Variants in PDE4D observed in about 807,000 individuals in gnomAD.
The protein encoded by PDE4D is 3',5'-cyclic-AMP phosphodiesterase 4D.
Under a neutral mutation model 87.4 loss-of-function variants are expected in PDE4D, and 24 were observed. That is an observed-to-expected ratio of 0.27 (90% CI 0.20 to 0.39). PDE4D has a LOEUF of 0.39. Ranked by LOEUF, PDE4D falls within the 10% of genes least tolerant of loss-of-function variation. The pLI is 1.00. For missense variants in PDE4D, 714 were observed against 1,041.0 expected, an observed-to-expected ratio of 0.69 and a Z score of 4.32; for synonymous variants, 384 against 383.2, an observed-to-expected ratio of 1.00 and a Z score of -0.02.
intron 1 of PDE4D, among the ~76,000 whole-genome samples, chr5:59,698,814 T>C (rs1418824373): frequency 6.6e-6 from 1 of 152,152 alleles, no homozygotes. Flanking sequence ...CTACCTTCAT[T>C]AGCACAGACT....
chr5:59,313,763 T>G (rs962614641), intron 1 of PDE4D, among the ~76,000 whole-genome samples: 12 of 152,156 alleles, frequency 7.9e-5, no homozygotes, highest in Non-Finnish European at 2.9e-5. Flanking sequence ...CCAACTTGTG[T>G]ACCCACCCAG....
At chr5:60,105,387 T>A (rs1243455842) in intron 2 of PDE4D, among the ~76,000 whole-genome samples, 3 of 152,204 alleles carry the variant, frequency 2.0e-5, no homozygotes, top group Non-Finnish European at 4.4e-5. Flanking sequence ...TATGTCGGAT[T>A]GGTGTACCTC....
chr5:59,270,515 T>C (rs1240140538), intron 1 of PDE4D, among the ~76,000 whole-genome samples: 1 of 152,194 alleles, frequency 6.6e-6, no homozygotes, highest in African/African-American at 2.4e-5. Flanking sequence ...ATTGGCCTTT[T>C]GTTCTTTATT....
upstream of PDE4D, chr5:60,490,588 A>C (rs777655528): frequency 3.3e-5 from 5 of 152,226 alleles, no homozygotes; most frequent in Non-Finnish European, 5.9e-5. Flanking sequence ...TTCTGGCTAG[A>C]GAGACTATCT....
In PDE4D at chr5:59,406,316, C is replaced by T. The variant is rs1791608404; in HGVS notation, c.456-190348G>A. Among the ~76,000 whole-genome samples the T allele has an allele frequency of 2.0e-5, 3 of 150,564 alleles. No individual in the cohort carries two copies. The South Asian group carries it at 6.3e-4, about 32-fold the overall frequency. On this transcript the variant is annotated intron_variant, in intron 1 of 14. Transcript: ENST00000340635. ...TTTCCAATTTATTTGCATATAGTTG[C>T]TCCTAGTAGCATCTAATGATCCTTT...
At chr5:60,380,487 C>T (rs1024660593) in intron 1 of PDE4D, among the ~76,000 whole-genome samples, 7 of 152,292 alleles carry the variant, frequency 4.6e-5, no homozygotes, top group East Asian at 1.9e-4. Flanking sequence ...TTCTATAATA[C>T]GCTCTTTTCT....
At chr5:59,902,218 A>G (rs746429440) in intron 3 of PDE4D, among the ~76,000 whole-genome samples, 4 of 152,154 alleles carry the variant, frequency 2.6e-5, no homozygotes, top group African/African-American at 4.8e-5. Context: ...AAATAAGAAA[A>G]CAAGCAAACA....
intron 1 of PDE4D, among the ~76,000 whole-genome samples, chr5:59,393,345 T>A (rs1278515988): frequency 6.6e-6 from 1 of 152,086 alleles, no homozygotes; most frequent in Non-Finnish European, 1.5e-5. Context: ...CTCAAAAAAA[T>A]AACATATAGA....
chr5:59,026,693 A>C (rs1561335349), intron 6 of PDE4D, among the ~76,000 whole-genome samples: 1 of 152,052 alleles, frequency 6.6e-6, no homozygotes, highest in African/African-American at 2.4e-5. Flanking sequence ...GACATAGGAC[A>C]CCCCAGATAT....
intron 1 of PDE4D, among the ~76,000 whole-genome samples, chr5:60,212,681 A>C (rs1194602022): frequency 6.6e-6 from 1 of 152,224 alleles, no homozygotes; most frequent in Non-Finnish European, 1.5e-5. Flanking sequence ...GCACCACTTA[A>C]GCAGCTAATG....
chr5:59,420,688 A>AG (rs1491443103), intron 1 of PDE4D, among the ~76,000 whole-genome samples: 1 of 109,702 alleles, frequency 9.1e-6, no homozygotes, highest in Non-Finnish European at 2.0e-5. Context: ...TTACTGCACA[A>AG]GAAAAAAAAA....
Position 58,999,440 on chromosome 5 carries a change from T to A in PDE4D, c.922-5975A>T, listed in dbSNP as rs781067645. On this transcript the variant is annotated intron_variant, in intron 6 of 14. Transcript: ENST00000340635. Reference sequence around the variant, plus strand: ...TACAGTAGAGTCTAAGCTTTCTAAATAATTTTGTAATCAGAGTAAGGAGTT... The same window carrying A: ...TACAGTAGAGTCTAAGCTTTCTAAAAAATTTTGTAATCAGAGTAAGGAGTT... The A allele has an allele frequency of 6.5e-6, 6 of 928,216 alleles. No individual in the cohort carries two copies. In the East Asian group the frequency reaches 1.2e-4, roughly 19 times the overall value. 57.5% of individuals were successfully genotyped at this position (928,216 alleles called of 1,614,324 possible).
At chr5:59,123,516 C>T (rs534967199) in intron 5 of PDE4D, among the ~76,000 whole-genome samples, 1 of 152,198 alleles carries the variant, frequency 6.6e-6, no homozygotes, top group East Asian at 1.9e-4. Context: ...ACATTGTTAT[C>T]TTGCCATCAA....
intron 1 of PDE4D, among the ~76,000 whole-genome samples, chr5:59,741,193 C>A (rs1232636849): frequency 6.6e-6 from 1 of 152,158 alleles, no homozygotes; most frequent in Admixed American, 6.5e-5. Context: ...CTATGTCCCA[C>A]ATTTTCCTAA....
intron 2 of PDE4D, among the ~76,000 whole-genome samples, chr5:59,200,364 T>C (rs542272516): frequency 2.3e-5 from 2 of 85,416 alleles, no homozygotes; most frequent in African/African-American, 1.2e-4. Flanking sequence ...TACACGTGTA[T>C]GTACAGCTAC....
intron 3 of PDE4D, among the ~76,000 whole-genome samples, chr5:59,185,920 A>T (rs1317973027): frequency 6.6e-6 from 1 of 152,222 alleles, no homozygotes; most frequent in Non-Finnish European, 1.5e-5. Flanking sequence ...TAGACACAAC[A>T]TGCCCACACA....
chr5:59,009,099 A>C (rs1416668352), intron 6 of PDE4D, among the ~76,000 whole-genome samples: 1 of 152,166 alleles, frequency 6.6e-6, no homozygotes, highest in Non-Finnish European at 1.5e-5. Context: ...ATGCAGAGCA[A>C]ATTAAATTCT....
At chr5:60,380,490 T>C (rs530135446) in intron 1 of PDE4D, among the ~76,000 whole-genome samples, 22 of 152,216 alleles carry the variant, frequency 1.4e-4, no homozygotes, top group Non-Finnish European at 3.1e-4. Context: ...TATAATACGC[T>C]CTTTTCTTTT....
At position 59,992,670 on chromosome 5, in the gene PDE4D, A is replaced by C. The variant is rs528510348; in HGVS notation, c.43-3953T>G. On this transcript the variant is annotated intron_variant, in intron 2 of 16. Transcript: ENST00000502484. ...ACTGAGGTTATCTGTTGAATGACTT[A>C]ATGTTTTTGACATTCTTTTTTAGAT... 1.5e-3 allele frequency among the ~76,000 whole-genome samples: 235 copies of C among 152,308 alleles called. 1 individual carries two copies. Among genetic ancestry groups the C allele is most frequent in the Non-Finnish European group, 2.4e-3 (163 of 68,028 alleles).
Sources: gnomAD v4.1 joint callset for allele counts (sites outside exome capture counted in the v4.1 genomes callset) on GRCh38, gnomAD v4.1.1 for gene constraint, MANE v1.5 for transcripts, NCBI Gene and HGNC (gene_info 2026-07-23, HGNC 2026-07-21) for gene names.